The following PIK3C2G variants were observed in gnomAD, a reference collection of about 807,000 sequenced individuals.
PIK3C2G encodes phosphatidylinositol 3-kinase C2 domain-containing subunit gamma.
PIK3C2G carries 168 observed loss-of-function variants against 181.1 expected under a neutral mutation model. The ratio of observed to expected loss-of-function variants is 0.93; its 90% CI spans 0.82 to 1.05. PIK3C2G has a LOEUF of 1.05. PIK3C2G is among the 50% of genes least tolerant of loss of function. The pLI is 0.00. For synonymous variants in PIK3C2G, 573 were observed against 592.2 expected (o/e 0.97, Z 0.47); for missense variants, 1,869 against 1,732.8 (o/e 1.08, Z -1.40).
At chr12:18,511,645 G>T (rs1420864135) in intron 24 of PIK3C2G, among the ~76,000 whole-genome samples, 1 of 151,558 alleles carries the variant, frequency 6.6e-6, no homozygotes, top group East Asian at 1.9e-4. Flanking sequence ...TAGGTTCTTT[G>T]CTTATTTTTT....
chr12:18,484,825 T>C (rs1939883576), intron 18 of PIK3C2G, among the ~76,000 whole-genome samples: 1 of 152,200 alleles, frequency 6.6e-6, no homozygotes, highest in Non-Finnish European at 1.5e-5. Context: ...TTAACAATTA[T>C]ATTTTAGTTA....
chr12:18,259,507 G>A (rs1948182851), upstream of PIK3C2G, among the ~76,000 whole-genome samples: 1 of 151,954 alleles, frequency 6.6e-6, no homozygotes, highest in Non-Finnish European at 1.5e-5. Context: ...TGTGTGTTCT[G>A]AAAATTGAGG....
intron 31 of PIK3C2G, among the ~76,000 whole-genome samples, chr12:18,616,934 A>C (rs997575124): frequency 9.9e-5 from 15 of 152,180 alleles, no homozygotes; most frequent in African/African-American, 3.1e-4. Context: ...TTTATCCAGT[A>C]GTTAAAATAC....
chr12:18,373,110 A>C (rs1172475254), intron 13 of PIK3C2G, among the ~76,000 whole-genome samples: 2 of 152,226 alleles, frequency 1.3e-5, no homozygotes, highest in African/African-American at 4.8e-5. Context: ...AAGAAACCAG[A>C]AATATGTCAC....
At chr12:18,607,953 C>T (rs1158219733) in intron 30 of PIK3C2G, among the ~76,000 whole-genome samples, 1 of 152,128 alleles carries the variant, frequency 6.6e-6, no homozygotes, top group East Asian at 1.9e-4. Context: ...TGAAAAAATG[C>T]TCATCATCAC....
chr12:18,396,464 T>C (rs962052196), intron 15 of PIK3C2G, among the ~76,000 whole-genome samples: 5 of 151,634 alleles, frequency 3.3e-5, no homozygotes, highest in Non-Finnish European at 5.9e-5. Context: ...AGCCACGATG[T>C]CTGCTTCAAA....
At chr12:18,431,903 G>T (rs535296781) in intron 18 of PIK3C2G, among the ~76,000 whole-genome samples, 2 of 152,228 alleles carry the variant, frequency 1.3e-5, no homozygotes, top group East Asian at 1.9e-4. Context: ...TCAGCAACTT[G>T]CTTAAACCAA....
In PIK3C2G at chr12:18,563,420, T is replaced by C. The variant is rs1280517583; in HGVS notation, c.3824T>C (p.Leu1275Pro). Reference protein sequence around the residue: ...QVTHSNNETSLTEKSFEQFSK... With the variant: ...QVTHSNNETSPTEKSFEQFSK... ...ACACACAGCAACAACGAAACAAGCCTGACAGAAAAATCATTTGAGCAGTTT... is the reference window on the plus strand; with the variant it reads ...ACACACAGCAACAACGAAACAAGCCCGACAGAAAAATCATTTGAGCAGTTT... Residue 1275 changes from leucine to proline, a missense_variant, in exon 28 of 33, where the codon CTG (leucine) becomes CCG (proline). Leu to Pro is a moderately conservative substitution (Grantham distance 98). Coordinates refer to ENST00000538779, the MANE Select transcript of PIK3C2G (RefSeq NM_001288772.2). 1.2e-6 allele frequency: 2 copies of C among 1,613,538 alleles called. No individual in the cohort carries two copies. The highest frequency in any genetic ancestry group is 1.7e-6 in the Non-Finnish European group (2 of 1,179,692).
At chr12:18,332,346 C>T (rs1243532801) in intron 8 of PIK3C2G, among the ~76,000 whole-genome samples, 1 of 152,184 alleles carries the variant, frequency 6.6e-6, no homozygotes, top group Non-Finnish European at 1.5e-5. Context: ...CAATGCTAGA[C>T]CTATTTTGGC....
At chr12:18,575,365 G>A (rs1275715575) in intron 29 of PIK3C2G, among the ~76,000 whole-genome samples, 1 of 152,128 alleles carries the variant, frequency 6.6e-6, no homozygotes, top group Non-Finnish European at 1.5e-5. Context: ...TCCTCCAGAA[G>A]ATCTCAATAC....
chr12:18,512,706 C>G (rs897719006), intron 24 of PIK3C2G, among the ~76,000 whole-genome samples: 19 of 151,794 alleles, frequency 1.3e-4, no homozygotes, highest in African/African-American at 4.1e-4. Flanking sequence ...GTGGAGTCTT[C>G]AGGATTTTCT....
intron 2 of PIK3C2G, among the ~76,000 whole-genome samples, chr12:18,284,419 CTT>C (rs927146604): frequency 3.3e-5 from 5 of 151,814 alleles, no homozygotes; most frequent in East Asian, 1.9e-4. Flanking sequence ...GAAAAAAAAA[CTT>C]AACGATTCAT....
At chr12:18,716,163 G>C in the PIK3C2G span, among the ~76,000 whole-genome samples, 1 of 151,928 alleles carries the variant, frequency 6.6e-6, no homozygotes, top group Non-Finnish European at 1.5e-5. Flanking sequence ...GATTATGACG[G>C]TAAATTGTCT....
chr12:18,684,214 G>GT, the PIK3C2G span: 1 of 1,611,576 alleles, frequency 6.2e-7, no homozygotes, highest in South Asian at 1.1e-5. Context: ...ACAACAAAAC[G>GT]TATCAATGCC....
chr12:18,405,106 T>C (rs544034834), intron 16 of PIK3C2G, among the ~76,000 whole-genome samples: 7 of 152,146 alleles, frequency 4.6e-5, no homozygotes, highest in Non-Finnish European at 7.3e-5. Context: ...ATAAAAGTTT[T>C]AGATGAAAGA....
At chr12:18,575,839 A>G (rs1018866912) in intron 29 of PIK3C2G, among the ~76,000 whole-genome samples, 2 of 152,236 alleles carry the variant, frequency 1.3e-5, no homozygotes, top group African/African-American at 4.8e-5. Context: ...CCCCATGTCT[A>G]GCACTAATAC....
intron 5 of PIK3C2G, among the ~76,000 whole-genome samples, chr12:18,298,469 A>ACAGTTTG (rs1397742628): frequency 4.7e-5 from 7 of 149,066 alleles, no homozygotes; most frequent in Non-Finnish European, 1.5e-5. Flanking sequence ...TGTTAGATTA[A>ACAGTTTG]CAGTTTGCAA....
chr12:18,663,031 G>A, the PIK3C2G span, among the ~76,000 whole-genome samples: 1 of 151,976 alleles, frequency 6.6e-6, no homozygotes. Context: ...AATATAAGTG[G>A]ATTAAACTCT....
chr12:18,567,502 C>T (rs1752114867), intron 29 of PIK3C2G, among the ~76,000 whole-genome samples: 1 of 151,916 alleles, frequency 6.6e-6, no homozygotes. Flanking sequence ...TGTGGAGCAG[C>T]AAAACAAGTA....
Sources: gnomAD v4.1 joint callset for allele counts (sites outside exome capture counted in the v4.1 genomes callset) on GRCh38, gnomAD v4.1.1 for gene constraint, MANE v1.5 for transcripts, NCBI Gene and HGNC (gene_info 2026-07-23, HGNC 2026-07-21) for gene names.